The following MAP3K13 variants were observed in gnomAD, a reference collection of about 807,000 sequenced individuals.
The protein encoded by MAP3K13 is mitogen-activated protein kinase kinase kinase 13, also known as leucine zipper-bearing kinase.
In MAP3K13, 52 loss-of-function variants were observed where a neutral mutation model predicts 104.0. That is an observed-to-expected ratio of 0.50 (90% CI 0.40 to 0.63). The LOEUF (loss-of-function observed/expected upper bound fraction) is 0.63. MAP3K13 is among the 20% of genes least tolerant of loss of function. The probability of loss-of-function intolerance (pLI) is 0.00; values close to 1 mark genes in which losing one functional copy is unlikely to be tolerated. For synonymous variants in MAP3K13, 394 were observed against 442.2 expected, an observed-to-expected ratio of 0.89 and a Z score of 1.37; for missense variants, 914 against 1,218.5, an observed-to-expected ratio of 0.75 and a Z score of 3.72.
At chr3:185,313,734 T>TG (rs1655682702) in intron 2 of MAP3K13, among the ~76,000 whole-genome samples, 1 of 57,898 alleles carries the variant, frequency 1.7e-5, no homozygotes, top group Admixed American at 1.7e-4. Flanking sequence ...GAAGTAGTGG[T>TG]GAAAAAAAAA....
At chr3:185,349,900 G>T (rs1164112932) in intron 2 of MAP3K13, among the ~76,000 whole-genome samples, 10 of 152,184 alleles carry the variant, frequency 6.6e-5, no homozygotes. Context: ...CTTCAGCAAG[G>T]ACACAGCTTA....
chr3:185,447,028 A>G (rs1292859986), intron 4 of MAP3K13, among the ~76,000 whole-genome samples: 3 of 152,238 alleles, frequency 2.0e-5, no homozygotes, highest in Non-Finnish European at 4.4e-5. Flanking sequence ...AATCAACCAC[A>G]TTAACAAATC....
At chr3:185,308,041 C>CTTTT (rs1455146477) in intron 2 of MAP3K13, among the ~76,000 whole-genome samples, 11 of 100,998 alleles carry the variant, frequency 1.1e-4, no homozygotes, top group East Asian at 6.3e-4. Context: ...TTGAGACTTA[C>CTTTT]TTTGTTCCCT....
At chr3:185,474,035 G>T (rs1400300624) in intron 11 of MAP3K13, among the ~76,000 whole-genome samples, 1 of 152,112 alleles carries the variant, frequency 6.6e-6, no homozygotes, top group Non-Finnish European at 1.5e-5. Context: ...ATATACTGGG[G>T]ATATGGGCTG....
intron 2 of MAP3K13, among the ~76,000 whole-genome samples, chr3:185,354,955 T>C (rs1008470774): frequency 6.6e-6 from 1 of 152,184 alleles, no homozygotes; most frequent in Non-Finnish European, 1.5e-5. Context: ...TTTCAATAGA[T>C]AACAGAGTTT....
At position 185,337,656 on chromosome 3, in the gene MAP3K13, A is replaced by AT. The variant is rs537198882; in HGVS notation, c.-86+52014dup. On this transcript the variant is annotated intron_variant, in intron 2 of 14. Coordinates refer to the MAP3K13 transcript ENST00000424227. ...AGGAGGTGAAAGGAAAGAGGCTTAT[A>AT]TAACTCTAATACTTATTAACCTGGA... is the stretch of plus-strand genomic sequence containing the variant. 2.8e-4 allele frequency among the ~76,000 whole-genome samples: 42 copies of AT among 152,336 alleles called. No homozygotes were observed. In the East Asian group the frequency reaches 7.5e-3, roughly 27 times the overall value.
intron 2 of MAP3K13, among the ~76,000 whole-genome samples, chr3:185,436,532 T>G (rs1359989690): frequency 1.3e-5 from 2 of 152,168 alleles, no homozygotes; most frequent in Non-Finnish European, 2.9e-5. Context: ...TATGCCTTAG[T>G]TTTTTCATCT....
chr3:185,426,133 T>C (rs535340922), intron 1 of MAP3K13, among the ~76,000 whole-genome samples: 1 of 152,156 alleles, frequency 6.6e-6, no homozygotes, highest in South Asian at 2.1e-4. Context: ...CAGGCTAGAG[T>C]GTAGTAGCGC....
chr3:185,448,312 A>G (rs1030804616), intron 5 of MAP3K13, among the ~76,000 whole-genome samples: 4 of 152,210 alleles, frequency 2.6e-5, no homozygotes, highest in African/African-American at 9.6e-5. Flanking sequence ...CCTAATCTCA[A>G]TGACTCAGGT....
In MAP3K13 at chr3:185,428,657, G is replaced by A; in HGVS notation, c.76G>A (p.Gly26Arg). The A allele has an allele frequency of 6.2e-7, 1 of 1,613,996 alleles. No individual in the cohort carries two copies. The highest frequency in any genetic ancestry group is 8.5e-7 in the Non-Finnish European group (1 of 1,179,986). The part of the protein sequence containing the change: ...LPFSESKTFN[G>R]LQDELTAMGN... ...CTTCAGTGAAAGCAAAACCTTCAAT[G>A]GACTACAAGATGAGCTCACAGCTAT... The change falls in exon 2 of 14, where the codon GGA (glycine) becomes AGA (arginine). Residue 26 changes from glycine (G) to arginine (R), a missense_variant. This residue lies in a region of MAP3K13 where 156 missense variants were observed against 159.8 expected (regional missense o/e 0.98). Coordinates refer to ENST00000265026, the MANE Select transcript of MAP3K13 (RefSeq NM_004721.5).
chr3:185,468,088 T>G (rs771765162), intron 10 of MAP3K13, among the ~76,000 whole-genome samples: 3 of 152,050 alleles, frequency 2.0e-5, no homozygotes, highest in Admixed American at 6.6e-5. Context: ...AAACCATTCA[T>G]GAGAAACTGC....
At chr3:185,439,151 C>A (rs1387503993) in intron 3 of MAP3K13, among the ~76,000 whole-genome samples, 2 of 151,856 alleles carry the variant, frequency 1.3e-5, no homozygotes, top group African/African-American at 4.8e-5. Context: ...AACAAGACCC[C>A]TTATGGAAAG....
chr3:185,339,825 A>G (rs934097949), intron 2 of MAP3K13, among the ~76,000 whole-genome samples: 3 of 152,374 alleles, frequency 2.0e-5, no homozygotes, highest in Admixed American at 6.5e-5. Flanking sequence ...ACACAGATAC[A>G]GCTAAAATGG....
intron 1 of MAP3K13, among the ~76,000 whole-genome samples, chr3:185,383,561 CAAAA>C (rs34255859): frequency 2.2e-5 from 2 of 91,248 alleles, no homozygotes; most frequent in Non-Finnish European, 4.5e-5. Context: ...GACTCTGTCT[CAAAA>C]AAAAAAAAAA....
At chr3:185,448,765 A>G (rs1715726536) in intron 5 of MAP3K13, among the ~76,000 whole-genome samples, 1 of 152,210 alleles carries the variant, frequency 6.6e-6, no homozygotes, top group Non-Finnish European at 1.5e-5. Context: ...ATTTTTGCCA[A>G]TCATATAGGT....
intron 2 of MAP3K13, among the ~76,000 whole-genome samples, chr3:185,431,927 G>T (rs530715349): frequency 6.6e-6 from 1 of 151,642 alleles, no homozygotes; most frequent in African/African-American, 2.4e-5. Context: ...AAAATTCTTC[G>T]TCAGTCCCTG....
intron 1 of MAP3K13, among the ~76,000 whole-genome samples, chr3:185,422,243 A>G (rs1236880794): frequency 6.6e-6 from 1 of 152,228 alleles, no homozygotes; most frequent in Non-Finnish European, 1.5e-5. Context: ...TTTCTCTTCA[A>G]ATAAACAAAC....
At chr3:185,424,238 A>G (rs1323242616) in intron 1 of MAP3K13, among the ~76,000 whole-genome samples, 1 of 152,174 alleles carries the variant, frequency 6.6e-6, no homozygotes, top group Non-Finnish European at 1.5e-5. Flanking sequence ...AAAAATAGGG[A>G]TAATCATTCT....
At chr3:185,377,246 T>A (rs1190602209) in intron 1 of MAP3K13, among the ~76,000 whole-genome samples, 1 of 152,204 alleles carries the variant, frequency 6.6e-6, no homozygotes, top group Non-Finnish European at 1.5e-5. Flanking sequence ...AGGCGAGTGA[T>A]AACAGGCTTT....
Sources: allele counts gnomAD v4.1 joint callset (sites outside exome capture counted in the v4.1 genomes callset), GRCh38; gene constraint gnomAD v4.1.1; regional missense constraint gnomAD v4.1.1; transcripts MANE v1.5; gene names NCBI Gene and HGNC (gene_info 2026-07-23, HGNC 2026-07-21).